EPAS1: variants seen among roughly 807,000 people sequenced by gnomAD.
EPAS1 encodes endothelial PAS domain protein 1.
Under a neutral mutation model 87.9 loss-of-function variants are expected in EPAS1, and 23 were observed. The ratio of observed to expected loss-of-function variants is 0.26; its 90% CI spans 0.19 to 0.37. The LOEUF is 0.37. Ranked by LOEUF, EPAS1 falls within the 10% of genes least tolerant of loss-of-function variation. The probability of loss-of-function intolerance (pLI) is 1.00; values close to 1 mark genes in which losing one functional copy is unlikely to be tolerated. For missense variants in EPAS1, 1,138 were observed against 1,120.7 expected (o/e 1.02, Z -0.22); for synonymous variants, 508 against 444.3 (o/e 1.14, Z -1.80).
At chr2:46,383,019 G>C (rs1684936910) in intron 15 of EPAS1, among the ~76,000 whole-genome samples, 1 of 147,232 alleles carries the variant, frequency 6.8e-6, no homozygotes, top group African/African-American at 2.4e-5. Context: ...AAAGTTCAGA[G>C]AGAGAGAGTT....
At chr2:46,323,105 G>A (rs1242061647) in intron 1 of EPAS1, among the ~76,000 whole-genome samples, 4 of 152,146 alleles carry the variant, frequency 2.6e-5, no homozygotes, top group Non-Finnish European at 5.9e-5. Flanking sequence ...CTCCCATGGC[G>A]ACCTCACGGA....
At chr2:46,345,492 G>A (rs986318296) in intron 1 of EPAS1, among the ~76,000 whole-genome samples, 1 of 152,096 alleles carries the variant, frequency 6.6e-6, no homozygotes, top group Non-Finnish European at 1.5e-5. Flanking sequence ...CACCTTCCCA[G>A]TGCAAAGCCC....
chr2:46,359,697 T>C (rs894587454), intron 4 of EPAS1, among the ~76,000 whole-genome samples: 1 of 152,132 alleles, frequency 6.6e-6, no homozygotes, highest in African/African-American at 2.4e-5. Context: ...CTGGTGACTG[T>C]TCCTGGAGGA....
rs986167854 is a variant in EPAS1 at position 46,385,265 on chromosome 2, T to G, written c.*605T>G. The G allele has an allele frequency of 4.6e-5, 7 of 153,044 alleles. No homozygotes were observed. Among genetic ancestry groups the G allele is most frequent in the Non-Finnish European group, 1.0e-4 (7 of 68,350 alleles). 9.5% of individuals were successfully genotyped at this position (153,044 alleles called of 1,614,324 possible). ...AATGTGAAGGGTCAACTCCAACGTATGTGGTTATCTGTGAAAGTTGCACAG... is the reference window on the plus strand; with the variant it reads ...AATGTGAAGGGTCAACTCCAACGTAGGTGGTTATCTGTGAAAGTTGCACAG... On this transcript the variant is annotated 3_prime_UTR_variant, in exon 16 of 16. Coordinates refer to ENST00000263734, the MANE Select transcript of EPAS1 (RefSeq NM_001430.5).
chr2:46,369,977 T>A, intron 7 of EPAS1, 44 bp downstream of exon 7: 1 of 1,464,668 alleles, frequency 6.8e-7, no homozygotes, highest in Non-Finnish European at 9.5e-7. Flanking sequence ...GTGTCTGTGG[T>A]ATGTGGCCTT....
intron 1 of EPAS1, among the ~76,000 whole-genome samples, chr2:46,308,641 G>A (rs1683155036): frequency 6.6e-6 from 1 of 152,140 alleles, no homozygotes; most frequent in African/African-American, 2.4e-5. Flanking sequence ...GAAAAAATTT[G>A]GGGGACCACA....
intron 2 of EPAS1, among the ~76,000 whole-genome samples, chr2:46,355,209 G>T (rs1487824689): frequency 6.6e-6 from 1 of 152,182 alleles, no homozygotes; most frequent in African/African-American, 2.4e-5. Flanking sequence ...AAAGAAGAAA[G>T]AATTTACTGT....
chr2:46,311,624 G>A (rs1208057752), intron 1 of EPAS1, among the ~76,000 whole-genome samples: 1 of 152,224 alleles, frequency 6.6e-6, no homozygotes, highest in Non-Finnish European at 1.5e-5. Flanking sequence ...CTAGATATCT[G>A]TTAGGGTGTG....
chr2:46,326,090 T>G (rs1211601502), intron 1 of EPAS1, among the ~76,000 whole-genome samples: 1 of 152,216 alleles, frequency 6.6e-6, no homozygotes, highest in Non-Finnish European at 1.5e-5. Context: ...CTGCTGGGAT[T>G]GGATCAGTTC....
At chr2:46,308,009 C>T (rs1558582025) in intron 1 of EPAS1, among the ~76,000 whole-genome samples, 1 of 152,174 alleles carries the variant, frequency 6.6e-6, no homozygotes, top group Admixed American at 6.5e-5. Context: ...AGTGGGAGTT[C>T]ACCTTGCTGA....
rs534983194 is a variant in EPAS1 at position 46,368,584 on chromosome 2, T to G, written c.780-1243T>G. Among the ~76,000 whole-genome samples, 21 of 152,264 alleles carry G rather than the reference T, an allele frequency of 1.4e-4. No homozygotes were observed. The South Asian group carries it at 4.3e-3, about 32-fold the overall frequency. On this transcript the variant is annotated intron_variant, in intron 6 of 15. Coordinates refer to ENST00000263734, the MANE Select transcript of EPAS1 (RefSeq NM_001430.5). ...ATTTGGTCTGACAGATGTATGCAAG[T>G]TGACCTGTTTGGGGGGTGGGTTTAG...
In EPAS1 at chr2:46,361,083, G is replaced by C; in HGVS notation, c.772G>C (p.Asp258His). Residue 258 changes from aspartate (D) to histidine (H), a missense_variant, in exon 6 of 16, where the codon GAT becomes CAT. By Grantham distance (81) the Asp-to-His change is moderately conservative (BLOSUM62 -1). Around this residue, in one of 4 missense-constraint regions of EPAS1, gnomAD observed 351 missense variants for 417.1 expected, o/e 0.84. Coordinates refer to ENST00000263734, the MANE Select transcript of EPAS1 (RefSeq NM_001430.5). ...CATGGACATGAAGTTCACCTACTGT[G>C]ATGACAGGTAGGGGGCCATGGGTGT... ...HSMDMKFTYC[D>H]DRITELIGYH... 2 of 1,614,158 alleles carry C rather than the reference G, an allele frequency of 1.2e-6. No homozygotes were observed. Among genetic ancestry groups the C allele is most frequent in the African/African-American group, 1.3e-5 (1 of 75,060 alleles).
rs1684056774 is a variant in EPAS1, at chr2:46,347,522, A to G, written c.217+459A>G. 1 of 252,562 alleles carries G rather than the reference A, an allele frequency of 4.0e-6. No homozygotes were observed. Among genetic ancestry groups the G allele is most frequent in the South Asian group, 5.1e-5 (1 of 19,470 alleles). 15.6% of individuals were successfully genotyped at this position (252,562 alleles called of 1,614,324 possible). Reference sequence around the variant, plus strand: ...AGAAGCCAGTTAGGCCAAGTAAATCATTTAGTCTCTCTGAACATTGGTTTC... The same window carrying G: ...AGAAGCCAGTTAGGCCAAGTAAATCGTTTAGTCTCTCTGAACATTGGTTTC... On this transcript the variant is annotated intron_variant, in intron 2 of 15. Coordinates refer to ENST00000263734, the MANE Select transcript of EPAS1 (RefSeq NM_001430.5). The surrounding 1 kb of genome is among the most constrained non-coding windows in gnomAD (Gnocchi z 4.2).
chr2:46,376,413 G>A (rs560184909), intron 8 of EPAS1, 126 bp from the exon 9 acceptor site: 10 of 863,308 alleles, frequency 1.2e-5, no homozygotes, highest in South Asian at 5.4e-5. Context: ...TTTATAAGAC[G>A]CCAATGCCTG....
intron 1 of EPAS1, among the ~76,000 whole-genome samples, chr2:46,302,218 A>G (rs1254045669): frequency 6.7e-6 from 1 of 150,296 alleles, no homozygotes; most frequent in East Asian, 2.0e-4. Context: ...TAAAGTGTTT[A>G]GAAATGGAAG....
At chr2:46,321,893 C>G (rs933347580) in intron 1 of EPAS1, among the ~76,000 whole-genome samples, 17 of 152,158 alleles carry the variant, frequency 1.1e-4, no homozygotes, top group African/African-American at 3.1e-4. Flanking sequence ...GACCTATTTT[C>G]AGTTCGTGCT....
chr2:46,340,269 C>A (rs1003344539), intron 1 of EPAS1, among the ~76,000 whole-genome samples: 3 of 151,974 alleles, frequency 2.0e-5, no homozygotes, highest in Non-Finnish European at 4.4e-5. Flanking sequence ...CAGAATTGAC[C>A]ATTAGAGGGC....
intron 1 of EPAS1, among the ~76,000 whole-genome samples, chr2:46,299,482 C>A (rs76869907): frequency 0.019 from 2,905 of 152,296 alleles, 99 homozygotes; most frequent in African/African-American, 0.066. Flanking sequence ...GGAAAAGACT[C>A]TTAAGATTCC....
At chr2:46,374,716 C>A (rs12464760) in intron 7 of EPAS1, among the ~76,000 whole-genome samples, 1,850 of 152,224 alleles carry the variant, frequency 0.012, 41 homozygotes, top group South Asian at 0.051. Flanking sequence ...ATGGGCAGTT[C>A]AGAAAAATAC....
Sources: allele counts gnomAD v4.1 joint callset (sites outside exome capture counted in the v4.1 genomes callset), GRCh38; gene constraint gnomAD v4.1.1; regional missense constraint gnomAD v4.1.1; non-coding constraint Gnocchi (gnomAD v3.1); transcripts MANE v1.5; gene names NCBI Gene and HGNC (gene_info 2026-07-23, HGNC 2026-07-21).